RAPGEF2: variants seen among roughly 807,000 people sequenced by gnomAD.
RAPGEF2 encodes the protein PDZ domain containing guanine nucleotide exchange factor (GEF) 1.
A neutral mutation model predicts 186.7 loss-of-function variants in RAPGEF2; 54 were observed. The observed-to-expected ratio is 0.29, with a 90% CI of 0.23 to 0.36. The LOEUF (loss-of-function observed/expected upper bound fraction) is 0.36, where lower values mean the gene tolerates loss of function less well. Among genes scored for constraint, RAPGEF2 ranks in the 10% least tolerant of loss-of-function variants. The pLI, the probability that RAPGEF2 is intolerant of heterozygous loss-of-function variation, is 1.00. For synonymous variants in RAPGEF2, 712 were observed against 705.9 expected (o/e 1.01, Z -0.14); for missense variants, 1,532 against 2,045.0 (o/e 0.75, Z 4.84).
chr4:159,245,531 C>T (rs1343818606), intron 7 of RAPGEF2, among the ~76,000 whole-genome samples: 2 of 151,946 alleles, frequency 1.3e-5, no homozygotes, highest in Non-Finnish European at 2.9e-5. Flanking sequence ...ACCTTGTCTC[C>T]AGGTTCAGAA....
intron 8 of RAPGEF2, among the ~76,000 whole-genome samples, chr4:159,307,693 C>T (rs961570831): frequency 1.3e-5 from 2 of 152,050 alleles, no homozygotes; most frequent in Non-Finnish European, 2.9e-5. Context: ...CTTGTTTGAC[C>T]AGGTGCAGTG....
intron 1 of RAPGEF2, among the ~76,000 whole-genome samples, chr4:159,132,930 T>C (rs1741271865): frequency 1.3e-5 from 2 of 151,762 alleles, no homozygotes; most frequent in African/African-American, 4.8e-5. Context: ...TAAAAAGTTA[T>C]ACAGTGCAGT....
chr4:159,347,025 T>A (rs1730420082), intron 25 of RAPGEF2, 27 bp downstream of exon 25: 1 of 1,586,526 alleles, frequency 6.3e-7, no homozygotes, highest in Admixed American at 1.7e-5. Context: ...ATTTCTTTTT[T>A]TGGTGCCATT....
chr4:159,229,587 T>G (rs949657640), intron 4 of RAPGEF2: 1 of 152,216 alleles, frequency 6.6e-6, no homozygotes, highest in Non-Finnish European at 1.5e-5. Flanking sequence ...AGGAAAGTTT[T>G]GTTTTCTCTA....
At chr4:159,218,302 A>G (rs533060917) in intron 4 of RAPGEF2, among the ~76,000 whole-genome samples, 1 of 152,252 alleles carries the variant, frequency 6.6e-6, no homozygotes, top group African/African-American at 2.4e-5. Flanking sequence ...AAAAGGAAAA[A>G]CTACAAATCA....
At chr4:159,296,217 A>G (rs1477832593) in intron 7 of RAPGEF2, among the ~76,000 whole-genome samples, 5 of 152,246 alleles carry the variant, frequency 3.3e-5, no homozygotes, top group African/African-American at 1.2e-4. Context: ...TGTGTCATTT[A>G]TAGACACATC....
At chr4:159,236,519 C>G (rs983578381) in intron 4 of RAPGEF2, among the ~76,000 whole-genome samples, 2 of 152,256 alleles carry the variant, frequency 1.3e-5, no homozygotes, top group Non-Finnish European at 2.9e-5. Context: ...GTAAACAATT[C>G]TAGCATATGT....
chr4:159,220,539 G>A (rs1313874685), intron 4 of RAPGEF2, among the ~76,000 whole-genome samples: 1 of 152,222 alleles, frequency 6.6e-6, no homozygotes, highest in Non-Finnish European at 1.5e-5. Context: ...ACAGCTCAAA[G>A]TGCTTCCAGC....
chr4:159,332,835 TAAACA>T, intron 17 of RAPGEF2, 138 bp downstream of exon 17: 3 of 1,034,812 alleles, frequency 2.9e-6, no homozygotes, highest in Non-Finnish European at 4.0e-6. Flanking sequence ...GAAGCAGTAT[TAAACA>T]ATCAAATTTG....
chr4:159,293,126 C>T (rs191584244), intron 7 of RAPGEF2, among the ~76,000 whole-genome samples: 2 of 152,084 alleles, frequency 1.3e-5, no homozygotes, highest in Non-Finnish European at 2.9e-5. Context: ...ATTTTGTATA[C>T]ATGTCTATAT....
chr4:159,267,955 T>C, intron 7 of RAPGEF2: 1 of 1,370,286 alleles, frequency 7.3e-7, no homozygotes, highest in Non-Finnish European at 9.4e-7. Context: ...ACGAACACTG[T>C]TGTTCGGATT....
intron 9 of RAPGEF2, among the ~76,000 whole-genome samples, chr4:159,318,913 A>G (rs1764917367): frequency 6.6e-6 from 1 of 152,110 alleles, no homozygotes; most frequent in East Asian, 1.9e-4. Context: ...AAAGCTTAAT[A>G]TTTTTCCATA....
chr4:159,237,900 C>G (rs1753479130), intron 4 of RAPGEF2, among the ~76,000 whole-genome samples: 1 of 144,772 alleles, frequency 6.9e-6, no homozygotes, highest in Non-Finnish European at 1.5e-5. Context: ...CACCTGTAGT[C>G]CCAGCTACTT....
chr4:159,210,764 A>G (rs1030483898), intron 4 of RAPGEF2, among the ~76,000 whole-genome samples, 181 bp downstream of exon 4: 4 of 152,212 alleles, frequency 2.6e-5, no homozygotes, highest in Non-Finnish European at 5.9e-5. Flanking sequence ...TACTTTTCCA[A>G]TCTCTTTAAC....
At chr4:159,122,016 G>A (rs1214312228) in intron 1 of RAPGEF2, among the ~76,000 whole-genome samples, 2 of 129,938 alleles carry the variant, frequency 1.5e-5, no homozygotes, top group Non-Finnish European at 3.1e-5. Flanking sequence ...TCCAGCCTGG[G>A]AGACAGAGCA....
intron 3 of RAPGEF2, among the ~76,000 whole-genome samples, chr4:159,193,813 C>T (rs1748359016): frequency 6.6e-6 from 1 of 152,144 alleles, no homozygotes; most frequent in Admixed American, 6.5e-5. Flanking sequence ...ATTTATTAGA[C>T]ATTTTGTTTC....
At chr4:159,218,812 G>A (rs1751237622) in intron 4 of RAPGEF2, among the ~76,000 whole-genome samples, 1 of 151,980 alleles carries the variant, frequency 6.6e-6, no homozygotes, top group Non-Finnish European at 1.5e-5. Flanking sequence ...ATTCATATTT[G>A]GAATGGCCTA....
intron 1 of RAPGEF2, among the ~76,000 whole-genome samples, chr4:159,185,090 C>T (rs1747421591): frequency 6.6e-6 from 1 of 152,090 alleles, no homozygotes. Context: ...CGCTCAACAT[C>T]CTTAATCATT....
At chr4:159,354,936 G>A (rs1046873333) in intron 28 of RAPGEF2, among the ~76,000 whole-genome samples, 3 of 152,210 alleles carry the variant, frequency 2.0e-5, no homozygotes, top group African/African-American at 7.2e-5. Context: ...AAATTCTGGA[G>A]TATAATCATT....
Sources: allele counts gnomAD v4.1 joint callset (sites outside exome capture counted in the v4.1 genomes callset), GRCh38; gene constraint gnomAD v4.1.1; transcripts MANE v1.5; gene names NCBI Gene and HGNC (gene_info 2026-07-23, HGNC 2026-07-21).